Variants in KLF17 observed in about 807,000 individuals in gnomAD.
KLF17 encodes KLF transcription factor 17.
Under a neutral mutation model 34.2 loss-of-function variants are expected in KLF17, and 31 were observed. The observed-to-expected ratio is 0.91, with a 90% CI of 0.68 to 1.22. KLF17 has a LOEUF of 1.22. Among genes scored for constraint, KLF17 ranks in the 50% most tolerant of loss-of-function variants. The pLI is 0.00. For synonymous variants in KLF17, 179 were observed against 186.7 expected (o/e 0.96, Z 0.34); for missense variants, 478 against 505.2 (o/e 0.95, Z 0.52).
At chr1:44,102,565 TACACAC>T in the KLF17 span, among the ~76,000 whole-genome samples, 3,179 of 89,290 alleles carry the variant, frequency 0.036, 45 homozygotes, top group South Asian at 0.062. Context: ...CACATACACA[TACACAC>T]ACACACACAC....
the KLF17 span, among the ~76,000 whole-genome samples, chr1:44,092,386 G>A: frequency 3.9e-5 from 6 of 152,010 alleles, no homozygotes; most frequent in Admixed American, 3.3e-4. Flanking sequence ...AGAAGGGGAC[G>A]CCATTCAACT....
At chr1:44,104,242 T>A in the KLF17 span, 2 of 1,319,380 alleles carry the variant, frequency 1.5e-6, no homozygotes, top group East Asian at 2.3e-5. Context: ...TCCTCGTACT[T>A]GTTCTTGAAG....
At chr1:44,120,686 G>A (rs796510045) in intron 1 of KLF17, among the ~76,000 whole-genome samples, 3 of 152,206 alleles carry the variant, frequency 2.0e-5, no homozygotes, top group African/African-American at 4.8e-5. Flanking sequence ...TTGCCATGAA[G>A]GACTGGGAAA....
At chr1:44,105,292 A>G in the KLF17 span, 90 of 152,188 alleles carry the variant, frequency 5.9e-4, no homozygotes, top group African/African-American at 2.0e-3. Context: ...GTGCTGGGTA[A>G]ATTCTAATTT....
chr1:44,044,071 C>G, the KLF17 span: 1 of 153,076 alleles, frequency 6.5e-6, no homozygotes, highest in East Asian at 1.9e-4. Flanking sequence ...TGTATTTCTG[C>G]TTTTGTGGGT....
intron 1 of KLF17, among the ~76,000 whole-genome samples, chr1:44,126,847 A>T (rs957009114): frequency 4.6e-5 from 7 of 151,882 alleles, no homozygotes; most frequent in African/African-American, 1.5e-4. Context: ...AAAAATATAT[A>T]TTTTTTACCT....
chr1:44,079,317 T>C, the KLF17 span, among the ~76,000 whole-genome samples: 1 of 151,852 alleles, frequency 6.6e-6, no homozygotes, highest in Non-Finnish European at 1.5e-5. Context: ...CTTTTTTTTT[T>C]TTTGAGACAG....
chr1:44,130,552 G>T lies in KLF17; in HGVS notation c.966G>T (p.Trp322Cys). Residue 322 changes from tryptophan to cysteine, a missense_variant, in exon 3 of 4, where the codon TGG becomes TGT. Trp to Cys is a radical substitution (Grantham distance 215). Transcript: ENST00000372299. Reference protein sequence around the residue: ...PYSCNWESCSWSFFRSDELRR... With the variant: ...PYSCNWESCSCSFFRSDELRR... ...CTTGCAACTGGGAAAGTTGTTCATG[G>T]TCTTTCTTCCGTTCTGATGAGCTTA... is the stretch of plus-strand genomic sequence containing the variant. The T allele has an allele frequency of 6.2e-7, 1 of 1,614,088 alleles. No individual in the cohort carries two copies. Among genetic ancestry groups the T allele is most frequent in the Middle Eastern group, 1.6e-4 (1 of 6,062 alleles).
upstream of KLF17, among the ~76,000 whole-genome samples, chr1:44,118,583 A>G (rs2087906307): frequency 6.6e-6 from 1 of 152,152 alleles, no homozygotes; most frequent in Non-Finnish European, 1.5e-5. Context: ...CACTTGGGTG[A>G]AACAGTTGCT....
chr1:44,079,038 A>G, the KLF17 span, among the ~76,000 whole-genome samples: 3 of 152,042 alleles, frequency 2.0e-5, no homozygotes, highest in African/African-American at 7.3e-5. Context: ...CTGATAAAGT[A>G]TGTTCTTCCT....
upstream of KLF17, among the ~76,000 whole-genome samples, chr1:44,118,210 T>A (rs1466691931): frequency 1.3e-5 from 2 of 152,238 alleles, no homozygotes; most frequent in Non-Finnish European, 2.9e-5. Context: ...ATTTCTTGTC[T>A]TCCCGTATAA....
chr1:44,056,333 G>T, the KLF17 span, among the ~76,000 whole-genome samples: 1 of 152,162 alleles, frequency 6.6e-6, no homozygotes, highest in Non-Finnish European at 1.5e-5. Context: ...GCTAAATATT[G>T]GGGGTATGTG....
At chr1:44,099,172 G>A in the KLF17 span, among the ~76,000 whole-genome samples, 3 of 152,104 alleles carry the variant, frequency 2.0e-5, no homozygotes, top group Non-Finnish European at 4.4e-5. Flanking sequence ...GGGAGACTGA[G>A]GCTGGAGGAT....
chr1:44,130,369 C>G (rs2088093096), intron 2 of KLF17, 143 bp from the exon 3 acceptor site: 6 of 1,358,258 alleles, frequency 4.4e-6, no homozygotes, highest in Non-Finnish European at 6.1e-6. Flanking sequence ...ATGACTGGGG[C>G]GGGCACTCCT....
the KLF17 span, among the ~76,000 whole-genome samples, chr1:44,086,614 T>C: frequency 1.3e-5 from 2 of 152,236 alleles, no homozygotes; most frequent in Non-Finnish European, 2.9e-5. Context: ...CAGAAGCTAG[T>C]ACAGCATCTT....
rs968987432 is a variant in KLF17, at chr1:44,130,870, A to G, written c.*114A>G. ...GGAGTGCAGTGGCGCAATTCGGTTC[A>G]CTGCACCTTCCACCTCCCAGGTTCA... On this transcript the variant is annotated intron_variant, in intron 3 of 3. Coordinates refer to ENST00000372299, the MANE Select transcript of KLF17 (RefSeq NM_173484.4). 3.1e-5 allele frequency: 31 copies of G among 991,118 alleles called. No individual in the cohort carries two copies. In the African/African-American group the frequency reaches 3.7e-4, roughly 12 times the overall value. 61.4% of individuals were successfully genotyped at this position (991,118 alleles called of 1,614,324 possible).
chr1:44,063,565 A>G, the KLF17 span, among the ~76,000 whole-genome samples: 1 of 152,232 alleles, frequency 6.6e-6, no homozygotes, highest in Non-Finnish European at 1.5e-5. Flanking sequence ...TCCAGAAATC[A>G]TTAATCATTA....
At chr1:44,075,704 T>C in the KLF17 span, among the ~76,000 whole-genome samples, 219 of 152,318 alleles carry the variant, frequency 1.4e-3, 1 homozygote, top group African/African-American at 4.8e-3. Flanking sequence ...GACATCTTTT[T>C]CCCTATTTTC....
At chr1:44,051,833 G>C in the KLF17 span, among the ~76,000 whole-genome samples, 5 of 152,176 alleles carry the variant, frequency 3.3e-5, no homozygotes, top group Non-Finnish European at 7.3e-5. Flanking sequence ...CCTGAGGTTT[G>C]CTGTTGGCCA....
Sources: allele counts gnomAD v4.1 joint callset (sites outside exome capture counted in the v4.1 genomes callset), GRCh38; gene constraint gnomAD v4.1.1; transcripts MANE v1.5; gene names NCBI Gene and HGNC (gene_info 2026-07-23, HGNC 2026-07-21).